SNX2: variants seen among roughly 807,000 people sequenced by gnomAD.
The protein encoded by SNX2 is sorting nexin 2, also known as sorting nexin-2.
Under a neutral mutation model 69.9 loss-of-function variants are expected in SNX2, and 25 were observed. The ratio of observed to expected loss-of-function variants is 0.36; its 90% CI spans 0.26 to 0.50. SNX2 has a LOEUF of 0.50. Ranked by LOEUF, SNX2 falls within the 20% of genes least tolerant of loss-of-function variation. The pLI is 0.97. For synonymous variants in SNX2, 229 were observed against 200.4 expected, an observed-to-expected ratio of 1.14 and a Z score of -1.20; for missense variants, 551 against 613.3, an observed-to-expected ratio of 0.90 and a Z score of 1.07.
At chr5:122,802,761 A>T (rs191351326) in intron 5 of SNX2, among the ~76,000 whole-genome samples, 71 of 152,338 alleles carry the variant, frequency 4.7e-4, no homozygotes, top group Middle Eastern at 6.8e-3. Flanking sequence ...TTCTAGCTGT[A>T]AGCAGTAATA....
chr5:122,794,532 G>A (rs1241841622), intron 1 of SNX2, among the ~76,000 whole-genome samples: 4 of 152,148 alleles, frequency 2.6e-5, no homozygotes, highest in African/African-American at 9.7e-5. Flanking sequence ...GAATTTTGGT[G>A]TTTGGGCATA....
chr5:122,817,059 A>C lies in SNX2; in HGVS notation c.912+31A>C, dbSNP rs771211170. ...AGCTGATTTTTCGGCTTGAATAATG[A>C]GATGAATTAATGAGCCCAACAATTG... On this transcript the variant is annotated intron_variant, in intron 9 of 14. Transcript: ENST00000379516. 8 of 1,462,004 alleles carry C rather than the reference A, an allele frequency of 5.5e-6. No homozygotes were observed. The South Asian group carries it at 9.2e-5, about 17-fold the overall frequency. 90.6% of individuals were successfully genotyped at this position (1,462,004 alleles called of 1,614,324 possible). A position where few individuals can be genotyped will look rare whatever the true frequency, so the allele number is the denominator to read the frequency against.
At chr5:122,782,591 A>G (rs1212348012) in intron 1 of SNX2, among the ~76,000 whole-genome samples, 16 of 149,706 alleles carry the variant, frequency 1.1e-4, no homozygotes, top group South Asian at 2.1e-4. Context: ...GCTAGAGAGC[A>G]GTTGGCACAA....
chr5:122,805,491 T>C (rs1753622586), intron 6 of SNX2, among the ~76,000 whole-genome samples: 1 of 152,098 alleles, frequency 6.6e-6, no homozygotes, highest in Non-Finnish European at 1.5e-5. Flanking sequence ...AGCAATGTTA[T>C]TGGTACCCTT....
At chr5:122,803,415 A>G in intron 5 of SNX2, 57 bp from the exon 6 acceptor site, 1 of 1,523,012 alleles carries the variant, frequency 6.6e-7, no homozygotes, top group Non-Finnish European at 8.9e-7. Context: ...TATAACATTA[A>G]CTTGTGGAAT....
At chr5:122,797,497 A>G (rs561781217) in intron 2 of SNX2, among the ~76,000 whole-genome samples, 2 of 152,332 alleles carry the variant, frequency 1.3e-5, no homozygotes, top group South Asian at 4.1e-4. Flanking sequence ...AATGAGTATT[A>G]CACTTGGTTC....
Position 122,832,901 on chromosome 5 carries a change from CCAGT to C in SNX2, c.*3256_*3259del, listed in dbSNP as rs781121047. 2.6e-5 allele frequency: 4 copies of C among 152,042 alleles called. No individual in the cohort carries two copies. The highest frequency in any genetic ancestry group is 2.1e-4 in the South Asian group (1 of 4,816). 9.4% of individuals were successfully genotyped at this position (152,042 alleles called of 1,614,324 possible). The stretch of plus-strand genomic sequence containing the variant: ...TTCCATAATAGTGACTGCAGATAGG[CCAGT>C]CAAAGTCATTTTGTTTTAAAGGAAG... On this transcript the variant is annotated 3_prime_UTR_variant, in exon 15 of 15. Transcript: ENST00000379516.
intron 7 of SNX2, among the ~76,000 whole-genome samples, chr5:122,810,931 A>G (rs1753762151): frequency 6.6e-6 from 1 of 152,126 alleles, no homozygotes; most frequent in Non-Finnish European, 1.5e-5. Context: ...TGTGCAAGCT[A>G]ATTTTCCTGT....
At chr5:122,788,960 GGACTCT>G (rs1753149823) in intron 1 of SNX2, among the ~76,000 whole-genome samples, 1 of 152,010 alleles carries the variant, frequency 6.6e-6, no homozygotes, top group Non-Finnish European at 1.5e-5. Flanking sequence ...CACATTTTTT[GGACTCT>G]TTATGACAAA....
At chr5:122,820,740 A>G (rs1754005852) in intron 11 of SNX2, among the ~76,000 whole-genome samples, 1 of 152,200 alleles carries the variant, frequency 6.6e-6, no homozygotes, top group African/African-American at 2.4e-5. Context: ...CACTGGCACC[A>G]AAAGATGGAT....
intron 1 of SNX2, among the ~76,000 whole-genome samples, chr5:122,781,435 G>T (rs142366244): frequency 6.6e-6 from 1 of 152,312 alleles, no homozygotes; most frequent in African/African-American, 2.4e-5. Flanking sequence ...GTTGTTTCCA[G>T]TTTGGGGTAT....
rs535342073 is a variant in SNX2, at chr5:122,812,062, C to CT, written c.722+3708dup. On this transcript the variant is annotated intron_variant, in intron 7 of 14. Coordinates refer to ENST00000379516, the MANE Select transcript of SNX2 (RefSeq NM_003100.4). The stretch of plus-strand genomic sequence containing the variant: ...CAACCTTTTCTCACCAGTCTACTGA[C>CT]TGAGTCCAAAGGTGTTAATTAACTG... Among the ~76,000 whole-genome samples, 606 of 152,328 alleles carry CT rather than the reference C, an allele frequency of 4.0e-3. 4 individuals are homozygous for CT. Among genetic ancestry groups the CT allele is most frequent in the African/African-American group, 0.014 (575 of 41,586 alleles).
At chr5:122,788,279 G>A (rs1753136252) in intron 1 of SNX2, among the ~76,000 whole-genome samples, 4 of 152,208 alleles carry the variant, frequency 2.6e-5, no homozygotes, top group South Asian at 2.1e-4. Context: ...GTAAAAATAC[G>A]TTGTTTTTCT....
At chr5:122,802,591 A>G (rs770481532) in intron 5 of SNX2, among the ~76,000 whole-genome samples, 21 of 152,184 alleles carry the variant, frequency 1.4e-4, no homozygotes, top group Admixed American at 3.9e-4. Context: ...TTCAAAGAAG[A>G]GTGTGGCACA....
chr5:122,824,802 A>G (rs994248565), intron 11 of SNX2, among the ~76,000 whole-genome samples: 1 of 152,214 alleles, frequency 6.6e-6, no homozygotes, highest in Non-Finnish European at 1.5e-5. Flanking sequence ...ACAGTTAACT[A>G]CATTTACATG....
chr5:122,789,476 C>CAG (rs1753175918), intron 1 of SNX2, among the ~76,000 whole-genome samples: 3 of 88,474 alleles, frequency 3.4e-5, no homozygotes, highest in Non-Finnish European at 4.4e-5. Context: ...CACACACGGA[C>CAG]ACACACACAC....
chr5:122,785,135 T>C (rs1045229421), intron 1 of SNX2, among the ~76,000 whole-genome samples: 16 of 152,106 alleles, frequency 1.1e-4, no homozygotes, highest in Admixed American at 8.5e-4. Context: ...AGGTTTGATA[T>C]CCTCTTAGGA....
chr5:122,776,903 T>G (rs1581619908), intron 1 of SNX2, among the ~76,000 whole-genome samples: 1 of 152,208 alleles, frequency 6.6e-6, no homozygotes, highest in African/African-American at 2.4e-5. Flanking sequence ...TCATGAATAA[T>G]TTATCTTGGT....
intron 5 of SNX2, among the ~76,000 whole-genome samples, chr5:122,802,848 G>A (rs1753546783): frequency 6.6e-6 from 1 of 152,160 alleles, no homozygotes; most frequent in Non-Finnish European, 1.5e-5. Flanking sequence ...AGAATTGACA[G>A]GACTTGGATG....
Sources: allele counts gnomAD v4.1 joint callset (sites outside exome capture counted in the v4.1 genomes callset), GRCh38; gene constraint gnomAD v4.1.1; transcripts MANE v1.5; gene names NCBI Gene and HGNC (gene_info 2026-07-23, HGNC 2026-07-21).